The following ABCC9 variants were observed in gnomAD, a reference collection of about 807,000 sequenced individuals.
The protein encoded by ABCC9 is ATP-binding cassette sub-family C member 9.
ABCC9 carries 95 observed loss-of-function variants against 188.3 expected under a neutral mutation model. That is an observed-to-expected ratio of 0.50 (90% confidence interval 0.43 to 0.60). ABCC9 has a LOEUF of 0.60. Ranked by LOEUF, ABCC9 falls within the 20% of genes least tolerant of loss-of-function variation. The pLI is 0.00. For missense variants in ABCC9, 1,102 were observed against 1,876.3 expected (o/e 0.59, Z 7.62); for synonymous variants, 659 against 652.7 (o/e 1.01, Z -0.15).
chr12:21,838,114 T>A lies in ABCC9; in HGVS notation c.3530A>T (p.Glu1177Val), dbSNP rs1944196377. The change falls in exon 30 of 40, where the codon GAA (glutamate) becomes GTA (valine). Residue 1177 changes from glutamate (E) to valine (V), a missense_variant. By Grantham distance (121) the Glu-to-Val change is moderately radical. This residue lies in a region of ABCC9 where 143 missense variants were observed against 225.6 expected (regional missense o/e 0.63). Transcript: ENST00000261200. ...AATGGTGGTGAGTCCTTCTGCTGTT[T>A]CTGAGAAGTGACAGAGCAGAGGGAG... ...TQLPLLCHFS[E>V]TAEGLTTIRA... is the part of the protein sequence containing the mutation. The A allele has an allele frequency of 6.2e-7, 1 of 1,614,042 alleles. No individual in the cohort carries two copies. Among genetic ancestry groups the A allele is most frequent in the Admixed American group, 1.7e-5 (1 of 60,010 alleles).
rs371503434 is a variant in ABCC9, at chr12:21,869,152, G to A, written c.2198+3473C>T. On this transcript the variant is annotated intron_variant, in intron 18 of 39. Transcript: ENST00000261200. ...AGAAAACTTCGGTCCTTTCTGCAGC[G>A]AAGAGATAGCATTGTTGTCTAGTAA... is the stretch of plus-strand genomic sequence containing the variant. Among the ~76,000 whole-genome samples, 27 of 152,292 alleles carry A rather than the reference G, an allele frequency of 1.8e-4. 1 individual carries two copies. The highest frequency in any genetic ancestry group is 5.3e-4 in the African/African-American group (22 of 41,552).
chr12:21,871,059 C>A (rs1946047390), intron 18 of ABCC9, among the ~76,000 whole-genome samples: 1 of 152,162 alleles, frequency 6.6e-6, no homozygotes, highest in Non-Finnish European at 1.5e-5. Flanking sequence ...AATCTCAAGC[C>A]TTTTCTGTCA....
intron 31 of ABCC9, among the ~76,000 whole-genome samples, chr12:21,818,903 C>T (rs1942856439): frequency 6.6e-6 from 1 of 152,072 alleles, no homozygotes; most frequent in Non-Finnish European, 1.5e-5. Context: ...TTTTTGTCAA[C>T]TACCTGGCTC....
chr12:21,867,241 T>G (rs1420255654), intron 18 of ABCC9, among the ~76,000 whole-genome samples: 1 of 152,132 alleles, frequency 6.6e-6, no homozygotes, highest in Non-Finnish European at 1.5e-5. Flanking sequence ...TATCAATATG[T>G]TTAATCAAAT....
At chr12:21,847,570 C>G (rs541475283) in intron 25 of ABCC9, among the ~76,000 whole-genome samples, 93 of 152,244 alleles carry the variant, frequency 6.1e-4, no homozygotes, top group South Asian at 1.7e-3. Flanking sequence ...TCACAACATT[C>G]TTGGCAATGA....
chr12:21,901,349 C>T (rs1947739721), intron 12 of ABCC9, among the ~76,000 whole-genome samples: 1 of 152,178 alleles, frequency 6.6e-6, no homozygotes, highest in Non-Finnish European at 1.5e-5. Context: ...ACGGCAAAAA[C>T]ATGCCAAATT....
At position 21,916,949 on chromosome 12, in the gene ABCC9, G is replaced by A. The variant is rs1473594908; in HGVS notation, c.561C>T (p.Val187=). The change falls in exon 6 of 40, where the codon GTC becomes GTT. Residue 187 remains valine, a synonymous_variant. Coordinates refer to ENST00000261200, the MANE Select transcript of ABCC9 (RefSeq NM_020297.4). ...NGLLMAVEIN[V]IRVRRYVFFM... ...ATTAGCTACCTACCCTGACTCGAAT[G>A]ACATTGATCTCCACAGCCATCAAGA... 2 of 1,611,612 alleles carry A rather than the reference G, an allele frequency of 1.2e-6. No homozygotes were observed. Among genetic ancestry groups the A allele is most frequent in the Non-Finnish European group, 1.7e-6 (2 of 1,178,764 alleles).
intron 5 of ABCC9, chr12:21,923,662 C>A: frequency 1.8e-6 from 1 of 570,584 alleles, no homozygotes; most frequent in Non-Finnish European, 3.1e-6. Flanking sequence ...ACTCTTACAC[C>A]TTGTTAGTGA....
chr12:21,844,494 T>C lies in ABCC9; in HGVS notation c.3304A>G (p.Ile1102Val), dbSNP rs750872710. Residue 1102 changes from isoleucine (I) to valine (V), a missense_variant, in exon 28 of 40, where the codon ATC (isoleucine) becomes GTC (valine). Physicochemically the swap from Ile to Val is conservative, Grantham distance 29. Coordinates refer to ENST00000261200, the MANE Select transcript of ABCC9 (RefSeq NM_020297.4). ...ILNRFSADTN[I>V]IDQHIPPTLE... ...ACCCAGTTACTCACCTGATCAATGA[T>C]ATTAGTATCAGCTGAAAAGCGATTG... 1 of 1,613,420 alleles carries C rather than the reference T, an allele frequency of 6.2e-7. No homozygotes were observed.
chr12:21,892,255 G>C (rs1947193684), intron 14 of ABCC9, among the ~76,000 whole-genome samples: 1 of 152,124 alleles, frequency 6.6e-6, no homozygotes, highest in Non-Finnish European at 1.5e-5. Flanking sequence ...GACACCCCTA[G>C]ATTGTTTTCA....
chr12:21,815,936 G>T (rs1356583710), intron 33 of ABCC9, 43 bp from the exon 34 acceptor site: 2 of 1,523,558 alleles, frequency 1.3e-6, no homozygotes, highest in East Asian at 2.5e-5. Flanking sequence ...TAGGCAGATA[G>T]AGATTGATGT....
At chr12:21,837,224 A>G (rs1049808758) in intron 30 of ABCC9, among the ~76,000 whole-genome samples, 4 of 152,324 alleles carry the variant, frequency 2.6e-5, no homozygotes, top group African/African-American at 9.6e-5. Flanking sequence ...GCACATTATG[A>G]TGGAAAAACA....
chr12:21,894,931 A>G (rs545812685), intron 13 of ABCC9, among the ~76,000 whole-genome samples: 74 of 152,346 alleles, frequency 4.9e-4, no homozygotes, highest in Middle Eastern at 3.4e-3. Flanking sequence ...GTTAATTCCC[A>G]ACCGCTGTTC....
chr12:21,939,524 T>A (rs1228386242), intron 2 of ABCC9, among the ~76,000 whole-genome samples: 1 of 152,200 alleles, frequency 6.6e-6, no homozygotes, highest in Non-Finnish European at 1.5e-5. Flanking sequence ...TTGGGAATGT[T>A]TGGGGAAGGG....
In ABCC9 at chr12:21,815,907, TGGGGA is replaced by T. The variant is rs1942583418; in HGVS notation, c.3893-19_3893-15del. The T allele has an allele frequency of 6.2e-7, 1 of 1,611,354 alleles. No individual in the cohort carries two copies. The highest frequency in any genetic ancestry group is 8.5e-7 in the Non-Finnish European group (1 of 1,178,328). The stretch of plus-strand genomic sequence containing the variant: ...CTTGAGAAGGATCTGGAGGATGGGA[TGGGGA>T]AATAGACAGATAATAGGCAGATAGA... On this transcript the variant is annotated splice_polypyrimidine_tract_variant and intron_variant, in intron 33 of 39. Transcript: ENST00000261200.
chr12:21,835,730 G>C (rs7974190), intron 30 of ABCC9, among the ~76,000 whole-genome samples: 6,836 of 152,082 alleles, frequency 0.045, 556 homozygotes, highest in African/African-American at 0.15. Context: ...ATCTCCCTCA[G>C]CAATCAAATC....
At chr12:21,939,150 G>A (rs1320236806) in intron 2 of ABCC9, among the ~76,000 whole-genome samples, 4 of 152,162 alleles carry the variant, frequency 2.6e-5, no homozygotes, top group Admixed American at 1.3e-4. Flanking sequence ...TAAACTTCAA[G>A]TTGGTACAGT....
At chr12:21,803,928 A>G (rs1174087935) in intron 39 of ABCC9, among the ~76,000 whole-genome samples, 1 of 152,188 alleles carries the variant, frequency 6.6e-6, no homozygotes, top group Non-Finnish European at 1.5e-5. Context: ...GTGGCAGCTA[A>G]CCAAAGTAAT....
At chr12:21,914,937 G>A (rs866329982) in intron 7 of ABCC9, among the ~76,000 whole-genome samples, 5 of 132,864 alleles carry the variant, frequency 3.8e-5, no homozygotes, top group African/African-American at 1.4e-4. Flanking sequence ...TTTCACTCTT[G>A]TTGCCCAGGC....
Sources: allele counts gnomAD v4.1 joint callset (sites outside exome capture counted in the v4.1 genomes callset), GRCh38; gene constraint gnomAD v4.1.1; regional missense constraint gnomAD v4.1.1; transcripts MANE v1.5; gene names NCBI Gene and HGNC (gene_info 2026-07-23, HGNC 2026-07-21).